The following KLHDC4 variants were observed in gnomAD, a reference collection of about 807,000 sequenced individuals.
KLHDC4 encodes kelch domain-containing protein 4.
In KLHDC4, 90 loss-of-function variants were observed where a neutral mutation model predicts 62.4. The ratio of observed to expected loss-of-function variants is 1.44; its 90% CI spans 1.22 to 1.72. The LOEUF (loss-of-function observed/expected upper bound fraction) is 1.72, where lower values mean the gene tolerates loss of function less well. KLHDC4 is among the 40% of genes most tolerant of loss of function. The pLI is 0.00. For synonymous variants in KLHDC4, 386 were observed against 284.4 expected, an observed-to-expected ratio of 1.36 and a Z score of -3.59; for missense variants, 1,025 against 699.7, an observed-to-expected ratio of 1.47 and a Z score of -5.25.
At chr16:87,712,773 A>G (rs923038352) in intron 8 of KLHDC4, among the ~76,000 whole-genome samples, 4 of 152,300 alleles carry the variant, frequency 2.6e-5, no homozygotes, top group Admixed American at 2.0e-4. Context: ...GGAGGTAAAA[A>G]CACTTTGCAC....
rs368750355 is a variant in KLHDC4 at position 87,743,284 on chromosome 16, G to A, written c.506+5389C>T. Among the ~76,000 whole-genome samples the A allele has an allele frequency of 1.2e-4, 18 of 152,144 alleles. 1 individual carries two copies. The highest frequency in any genetic ancestry group is 4.1e-4 in the African/African-American group (17 of 41,526). ...ACACCTAGCTAACTTCTTTAGAGAT[G>A]GGGTCTTACTATGTTGTCCCGGCTG... On this transcript the variant is annotated intron_variant, in intron 5 of 11. Coordinates refer to ENST00000270583, the MANE Select transcript of KLHDC4 (RefSeq NM_017566.4).
intron 4 of KLHDC4, among the ~76,000 whole-genome samples, chr16:87,752,205 A>T (rs1212125997): frequency 6.6e-6 from 1 of 150,634 alleles, no homozygotes; most frequent in Non-Finnish European, 1.5e-5. Context: ...CCAGGAGTTC[A>T]ACACTTGCCT....
intron 8 of KLHDC4, among the ~76,000 whole-genome samples, chr16:87,712,536 C>A (rs144048008): frequency 1.3e-5 from 2 of 152,236 alleles, no homozygotes; most frequent in African/African-American, 4.8e-5. Context: ...GCAGAGCACA[C>A]AGGCTCAGGG....
At chr16:87,741,223 C>T (rs2042190615) in intron 5 of KLHDC4, among the ~76,000 whole-genome samples, 1 of 152,224 alleles carries the variant, frequency 6.6e-6, no homozygotes, top group African/African-American at 2.4e-5. Flanking sequence ...GCTACAAAAA[C>T]ACCCGCCAGC....
intron 4 of KLHDC4, among the ~76,000 whole-genome samples, chr16:87,752,751 G>C (rs2044217686): frequency 6.6e-6 from 1 of 152,110 alleles, no homozygotes; most frequent in Non-Finnish European, 1.5e-5. Context: ...GCTTCGTATA[G>C]CCTACGCCCC....
chr16:87,749,777 C>T (rs9927977), intron 4 of KLHDC4, among the ~76,000 whole-genome samples: 25,993 of 151,932 alleles, frequency 0.17, 2,288 homozygotes, highest in South Asian at 0.22. Flanking sequence ...ATGGCGTCTA[C>T]GCTGTCCAGG....
At chr16:87,762,404 G>C (rs888857948) in intron 1 of KLHDC4, among the ~76,000 whole-genome samples, 7 of 151,940 alleles carry the variant, frequency 4.6e-5, no homozygotes, top group Non-Finnish European at 7.4e-5. Context: ...TGTCTGCAGA[G>C]CAGTGTCTGA....
chr16:87,739,210 C>T (rs1192926049), intron 5 of KLHDC4, among the ~76,000 whole-genome samples: 1 of 141,536 alleles, frequency 7.1e-6, no homozygotes. Flanking sequence ...CTCATCCATC[C>T]ACACACCAGC....
At chr16:87,764,257 C>G in intron 1 of KLHDC4, among the ~76,000 whole-genome samples, 1 of 152,154 alleles carries the variant, frequency 6.6e-6, no homozygotes, top group East Asian at 1.9e-4. Flanking sequence ...AGATAACATA[C>G]AAACCCCAGG....
downstream of KLHDC4, among the ~76,000 whole-genome samples, chr16:87,705,273 G>C (rs914108666): frequency 6.6e-6 from 1 of 152,258 alleles, no homozygotes; most frequent in African/African-American, 2.4e-5. Context: ...AAGTAGTTCG[G>C]TAAACTGGGC....
intron 6 of KLHDC4, 79 bp from the exon 7 acceptor site, chr16:87,727,003 T>G (rs573053107): frequency 6.1e-5 from 90 of 1,468,404 alleles, no homozygotes; most frequent in Admixed American, 1.8e-4. Flanking sequence ...TGATTTAAAT[T>G]AAAGGTAAAT....
At chr16:87,720,719 C>T (rs1196944955) in intron 7 of KLHDC4, among the ~76,000 whole-genome samples, 1 of 152,242 alleles carries the variant, frequency 6.6e-6, no homozygotes, top group African/African-American at 2.4e-5. Context: ...GACACCCTGT[C>T]GGTTACGGTT....
At chr16:87,754,699 G>A (rs1289452458) in intron 4 of KLHDC4, among the ~76,000 whole-genome samples, 1 of 152,186 alleles carries the variant, frequency 6.6e-6, no homozygotes, top group Non-Finnish European at 1.5e-5. Context: ...TCTAACTCCG[G>A]AAGCCCCTTC....
intron 4 of KLHDC4, among the ~76,000 whole-genome samples, chr16:87,751,855 C>T (rs780831947): frequency 4.1e-5 from 6 of 147,682 alleles, no homozygotes; most frequent in Non-Finnish European, 7.5e-5. Flanking sequence ...GGGCGGATCA[C>T]GAGGCCAGGA....
At chr16:87,708,131 C>T (rs2035011123) in intron 11 of KLHDC4, 56 bp from the exon 12 acceptor site, 1 of 664,970 alleles carries the variant, frequency 1.5e-6, no homozygotes, top group Admixed American at 2.1e-5. Flanking sequence ...AGGGGGAGGC[C>T]CGTGCAGGAG....
chr16:87,698,579 G>GA (rs1344667784), exon 1 of KLHDC4: 1 of 152,278 alleles, frequency 6.6e-6, no homozygotes, highest in Non-Finnish European at 1.5e-5. Context: ...ACACAACCTA[G>GA]AAAACCAAGG....
At position 87,700,335 on chromosome 16, in the gene KLHDC4, G is replaced by A. The variant is rs113985189; in HGVS notation, c.*1304C>T. On this transcript the variant is annotated 3_prime_UTR_variant, in exon 1 of 1. Coordinates refer to the KLHDC4 transcript ENST00000446344. The stretch of plus-strand genomic sequence containing the variant: ...GCTGTGACTGTTTCTGCCTTCAGCC[G>A]GCCGACAGCACCGGGCGCAACAAGC... 6.9e-3 allele frequency: 1,072 copies of A among 154,974 alleles called. 16 individuals carry two copies. The highest frequency in any genetic ancestry group is 0.01 in the Non-Finnish European group (702 of 68,278). 9.6% of individuals were successfully genotyped at this position (154,974 alleles called of 1,614,324 possible).
At chr16:87,734,991 TTGCCTGACGCCCCTCCCCCTCCTGACG>T (rs1567744861) in intron 5 of KLHDC4, among the ~76,000 whole-genome samples, 16 of 84,490 alleles carry the variant, frequency 1.9e-4, no homozygotes, top group African/African-American at 7.5e-4. Context: ...TCCTGACGAA[TTGCCTGACGCCCCTCCCCCTCCTGACG>T]AATTGCCCGA....
chr16:87,727,365 C>T (rs897777546), intron 6 of KLHDC4, among the ~76,000 whole-genome samples: 1 of 152,152 alleles, frequency 6.6e-6, no homozygotes, highest in Non-Finnish European at 1.5e-5. Context: ...AGGTGTGCAA[C>T]CGTAAGGGCA....
Sources: allele counts gnomAD v4.1 joint callset (sites outside exome capture counted in the v4.1 genomes callset), GRCh38; gene constraint gnomAD v4.1.1; transcripts MANE v1.5; gene names NCBI Gene and HGNC (gene_info 2026-07-23, HGNC 2026-07-21).